The following ARHGAP26 variants were observed in gnomAD, a reference collection of about 807,000 sequenced individuals.
ARHGAP26 encodes the protein rho GTPase-activating protein 26.
ARHGAP26 carries 38 observed loss-of-function variants against 104.8 expected under a neutral mutation model. The observed-to-expected ratio is 0.36, with a 90% CI of 0.28 to 0.48. ARHGAP26 has a LOEUF of 0.48. Ranked by LOEUF, ARHGAP26 falls within the 20% of genes least tolerant of loss-of-function variation. The pLI is 0.99. For synonymous variants in ARHGAP26, 341 were observed against 340.0 expected (o/e 1.00, Z -0.03); for missense variants, 704 against 947.9 (o/e 0.74, Z 3.38).
chr5:142,806,766 G>A (rs1363366239), intron 1 of ARHGAP26, among the ~76,000 whole-genome samples: 1 of 152,154 alleles, frequency 6.6e-6, no homozygotes, highest in African/African-American at 2.4e-5. Context: ...CAGTTGATGG[G>A]CACATGTCAT....
At chr5:142,961,454 T>C (rs1021543129) in intron 11 of ARHGAP26, among the ~76,000 whole-genome samples, 5 of 152,114 alleles carry the variant, frequency 3.3e-5, no homozygotes, top group African/African-American at 9.7e-5. Flanking sequence ...ATGGGGCCAC[T>C]GCACTCTAGC....
intron 10 of ARHGAP26, among the ~76,000 whole-genome samples, chr5:142,929,189 G>A (rs955433999): frequency 2.0e-5 from 3 of 152,142 alleles, no homozygotes; most frequent in African/African-American, 7.2e-5. Flanking sequence ...CGCCCACCTC[G>A]GCCTCCCAGA....
At chr5:143,178,028 C>G (rs900065594) in intron 20 of ARHGAP26, among the ~76,000 whole-genome samples, 5 of 114,958 alleles carry the variant, frequency 4.3e-5, no homozygotes, top group African/African-American at 1.6e-4. Context: ...GAGACAGCAT[C>G]TCACTCTGTC....
At chr5:143,102,129 G>T (rs76071293) in intron 17 of ARHGAP26, among the ~76,000 whole-genome samples, 1 of 152,160 alleles carries the variant, frequency 6.6e-6, no homozygotes, top group Non-Finnish European at 1.5e-5. Context: ...GATATAGACA[G>T]CAGGACCGTG....
At chr5:143,016,618 G>T (rs186795328) in intron 12 of ARHGAP26, among the ~76,000 whole-genome samples, 1 of 148,800 alleles carries the variant, frequency 6.7e-6, no homozygotes, top group Admixed American at 6.8e-5. Context: ...CAGGAGAATC[G>T]CTTGAACCTG....
chr5:143,019,233 A>G (rs575779385), intron 12 of ARHGAP26, among the ~76,000 whole-genome samples: 8 of 152,306 alleles, frequency 5.3e-5, no homozygotes, highest in African/African-American at 1.9e-4. Flanking sequence ...TATTGGTAAT[A>G]AAGAAGAAGA....
chr5:142,993,762 C>T (rs1455391920), intron 11 of ARHGAP26, among the ~76,000 whole-genome samples: 2 of 152,222 alleles, frequency 1.3e-5, no homozygotes, highest in African/African-American at 4.8e-5. Flanking sequence ...CTGCTTCAGC[C>T]TTCCTCCTAA....
chr5:142,861,407 C>T (rs1753320903), intron 1 of ARHGAP26, among the ~76,000 whole-genome samples: 1 of 148,878 alleles, frequency 6.7e-6, no homozygotes, highest in Non-Finnish European at 1.5e-5. Context: ...GGGAGATGAG[C>T]GGATTTTTGT....
chr5:142,884,497 T>C (rs1757441850), intron 4 of ARHGAP26, among the ~76,000 whole-genome samples: 1 of 152,234 alleles, frequency 6.6e-6, no homozygotes, highest in African/African-American at 2.4e-5. Flanking sequence ...ATAACTCAGG[T>C]ATTTGCCTAT....
chr5:143,217,974 C>G (rs1037352261), intron 22 of ARHGAP26, among the ~76,000 whole-genome samples: 1 of 152,228 alleles, frequency 6.6e-6, no homozygotes, highest in African/African-American at 2.4e-5. Context: ...CTGACCTCCT[C>G]TCACCCTCAC....
intron 17 of ARHGAP26, among the ~76,000 whole-genome samples, chr5:143,109,736 G>A (rs10875601): frequency 0.78 from 118,762 of 152,068 alleles, 49,422 homozygotes; most frequent in Non-Finnish European, 0.92. Flanking sequence ...CGCCACACCC[G>A]GCCATATCTC....
intron 17 of ARHGAP26, among the ~76,000 whole-genome samples, chr5:143,105,644 G>A (rs934376913): frequency 1.3e-5 from 2 of 152,142 alleles, no homozygotes; most frequent in African/African-American, 2.4e-5. Context: ...CCTTGGTACA[G>A]GTCTCATAGC....
chr5:142,779,301 A>G (rs1013294187), intron 1 of ARHGAP26, among the ~76,000 whole-genome samples: 1 of 152,178 alleles, frequency 6.6e-6, no homozygotes, highest in African/African-American at 2.4e-5. Context: ...ACGAGCTGTC[A>G]TGGCATGTTT....
At chr5:143,206,019 T>C (rs774907465) in intron 20 of ARHGAP26, among the ~76,000 whole-genome samples, 4 of 152,212 alleles carry the variant, frequency 2.6e-5, no homozygotes, top group Non-Finnish European at 5.9e-5. Context: ...GTTTTTGCTG[T>C]TATTTGTCTA....
intron 1 of ARHGAP26, among the ~76,000 whole-genome samples, chr5:142,843,349 T>C (rs1388390062): frequency 6.6e-6 from 1 of 152,208 alleles, no homozygotes; most frequent in African/African-American, 2.4e-5. Flanking sequence ...AGTTCAGGGA[T>C]GCAGGGACAT....
At chr5:142,838,048 CAG>C (rs1348345422) in intron 1 of ARHGAP26, among the ~76,000 whole-genome samples, 1 of 151,996 alleles carries the variant, frequency 6.6e-6, no homozygotes, top group Non-Finnish European at 1.5e-5. Flanking sequence ...CACCTGAGGT[CAG>C]GGGTTCGAGA....
intron 20 of ARHGAP26, chr5:143,170,277 C>G (rs1802587309): frequency 6.6e-6 from 1 of 152,182 alleles, no homozygotes; most frequent in Non-Finnish European, 1.5e-5. Context: ...GGCTCAGCAG[C>G]TCTGAGAGCT....
rs142657452 is a variant in ARHGAP26 at position 142,844,901 on chromosome 5, G to A, written c.155-28499G>A. On this transcript the variant is annotated intron_variant, in intron 1 of 22. Coordinates refer to ENST00000645722, the MANE Select transcript of ARHGAP26 (RefSeq NM_001135608.3). ...TCTTTTAATTGATTGTAGGATGGTA[G>A]CCCCCGTTTTGCAGGCTATTCCTCC... 1.1e-3 allele frequency among the ~76,000 whole-genome samples: 167 copies of A among 151,854 alleles called. 1 individual carries two copies. Among genetic ancestry groups the A allele is most frequent in the Non-Finnish European group, 1.9e-4 (13 of 67,934 alleles).
intron 17 of ARHGAP26, among the ~76,000 whole-genome samples, chr5:143,088,490 G>T (rs1329865225): frequency 6.6e-6 from 1 of 151,862 alleles, no homozygotes; most frequent in African/African-American, 2.4e-5. Context: ...AAGTGGTTAT[G>T]TCTTTATTAT....
Sources: gnomAD v4.1 joint callset for allele counts (sites outside exome capture counted in the v4.1 genomes callset) on GRCh38, gnomAD v4.1.1 for gene constraint, MANE v1.5 for transcripts, NCBI Gene and HGNC (gene_info 2026-07-23, HGNC 2026-07-21) for gene names.